Variants in EDEM3 observed in about 807,000 individuals in gnomAD.
EDEM3 encodes the protein ER degradation enhancing alpha-mannosidase like protein 3.
In EDEM3, 60 loss-of-function variants were observed where a neutral mutation model predicts 110.2. The observed-to-expected ratio is 0.54, with a 90% CI of 0.44 to 0.67. The LOEUF is 0.67. Ranked by LOEUF, EDEM3 falls within the 30% of genes least tolerant of loss-of-function variation. The pLI, the probability that EDEM3 is intolerant of heterozygous loss-of-function variation, is 0.00. For missense variants in EDEM3, 996 were observed against 1,121.0 expected, an observed-to-expected ratio of 0.89 and a Z score of 1.59; for synonymous variants, 352 against 382.9, an observed-to-expected ratio of 0.92 and a Z score of 0.94.
intron 4 of EDEM3, among the ~76,000 whole-genome samples, chr1:184,736,077 T>C (rs1268238612): frequency 1.3e-5 from 2 of 152,160 alleles, no homozygotes; most frequent in Non-Finnish European, 2.9e-5. Flanking sequence ...GCTAAAAAGA[T>C]CTAACAATCG....
At chr1:184,712,945 A>G (rs562715567) in intron 13 of EDEM3, among the ~76,000 whole-genome samples, 3 of 152,350 alleles carry the variant, frequency 2.0e-5, no homozygotes, top group South Asian at 4.1e-4. Flanking sequence ...TGAGAATCAT[A>G]TAAGAATCTT....
At chr1:184,704,442 T>C (rs937739090) in intron 18 of EDEM3, among the ~76,000 whole-genome samples, 19 of 150,734 alleles carry the variant, frequency 1.3e-4, no homozygotes, top group Admixed American at 6.6e-5. Context: ...CTTGAGGCCA[T>C]GAGTTTGAGA....
chr1:184,712,521 T>C lies in EDEM3; in HGVS notation c.1448A>G (p.Asp483Gly), dbSNP rs1464279851. 6.2e-7 allele frequency: 1 copy of C among 1,602,358 alleles called. No homozygotes were observed. The change falls in exon 14 of 20, where the codon GAC becomes GGC. Residue 483 changes from aspartate to glycine, a missense_variant. Asp to Gly is a moderately conservative substitution (Grantham distance 94, BLOSUM62 -1). Around this residue, in one of 5 missense-constraint regions of EDEM3, gnomAD observed 138 missense variants for 124.3 expected, o/e 1.11. Transcript: ENST00000318130. ...LFADKEDIIF[D>G]IEDYIFTTEA... ...TGTTGTAAAGATGTAATCTTCTATG[T>C]CAAAAATAATGTCTTCTTTATCAGC...
intron 18 of EDEM3, among the ~76,000 whole-genome samples, 180 bp downstream of exon 18, chr1:184,706,462 CT>C (rs1422340860): frequency 6.6e-6 from 1 of 151,910 alleles, no homozygotes; most frequent in Non-Finnish European, 1.5e-5. Flanking sequence ...CAAATCTAGA[CT>C]TTTAAAAAAG....
chr1:184,696,656 T>G (rs1171531460), intron 19 of EDEM3, among the ~76,000 whole-genome samples: 1 of 151,890 alleles, frequency 6.6e-6, no homozygotes, highest in Admixed American at 6.6e-5. Flanking sequence ...GTGAAAAAGG[T>G]ACAATTTAAT....
In EDEM3 at chr1:184,693,928, G is replaced by A. The variant is rs950386232; in HGVS notation, c.*135C>T. 32 of 849,990 alleles carry A rather than the reference G, an allele frequency of 3.8e-5. No homozygotes were observed. The highest frequency in any genetic ancestry group is 3.2e-5 in the Non-Finnish European group (18 of 559,110). 52.7% of individuals were successfully genotyped at this position (849,990 alleles called of 1,614,324 possible). ...TGCTCCAGATTCCTACGATAACTAC[G>A]CCAGTCAGAACGTGGTTGTTCATCA... On this transcript the variant is annotated 3_prime_UTR_variant, in exon 20 of 20. Coordinates refer to ENST00000318130, the MANE Select transcript of EDEM3 (RefSeq NM_025191.4).
chr1:184,726,265 G>T lies in EDEM3; in HGVS notation c.737C>A (p.Thr246Lys). ...CCGTAAAAAGCAAACCTCAAATATT[G>T]TTGCTCCTGTGAATCGACTTAAAGC... ...FAALSRFTGA[T>K]IFEEYARKAL... is the part of the protein sequence containing the mutation. Residue 246 changes from threonine (T) to lysine (K), a missense_variant, in exon 7 of 20, where the codon ACA (threonine) becomes AAA (lysine). Thr to Lys is a moderately conservative substitution (Grantham distance 78). This residue lies in a region of EDEM3 where 310 missense variants were observed against 394.6 expected (regional missense o/e 0.79). Transcript: ENST00000318130. 6.2e-7 allele frequency: 1 copy of T among 1,613,350 alleles called. No individual in the cohort carries two copies. Among genetic ancestry groups the T allele is most frequent in the Non-Finnish European group, 8.5e-7 (1 of 1,179,548 alleles).
intron 19 of EDEM3, among the ~76,000 whole-genome samples, chr1:184,697,151 C>T (rs1649374361): frequency 6.6e-6 from 1 of 151,588 alleles, no homozygotes; most frequent in Non-Finnish European, 1.5e-5. Context: ...TAAAAAGCTA[C>T]AAAACATAGA....
At chr1:184,746,699 T>C (rs1183370384) in intron 2 of EDEM3, among the ~76,000 whole-genome samples, 1 of 152,188 alleles carries the variant, frequency 6.6e-6, no homozygotes, top group Non-Finnish European at 1.5e-5. Flanking sequence ...TCCAGAGTTC[T>C]TGCTCTTAAT....
chr1:184,722,743 GCAGTTAC>G (rs1650972744), intron 8 of EDEM3, among the ~76,000 whole-genome samples: 1 of 151,422 alleles, frequency 6.6e-6, no homozygotes. Context: ...TTAAATATAG[GCAGTTAC>G]CATTTATTTT....
chr1:184,694,481 G>T lies in EDEM3; in HGVS notation c.2390-9C>A. 6.3e-7 allele frequency: 1 copy of T among 1,576,722 alleles called. No homozygotes were observed. Reference sequence around the variant, plus strand: ...ATTTTCCATTTCAGGATCTGTATGAGAAAGAAACAAACCTCATGCTACTTC... The same window carrying T: ...ATTTTCCATTTCAGGATCTGTATGATAAAGAAACAAACCTCATGCTACTTC... On this transcript the variant is annotated splice_polypyrimidine_tract_variant and intron_variant, in intron 19 of 19. Coordinates refer to ENST00000318130, the MANE Select transcript of EDEM3 (RefSeq NM_025191.4).
chr1:184,694,509 TA>T (rs34236444), intron 19 of EDEM3, 37 bp from the exon 20 acceptor site: 673,722 of 1,505,398 alleles, frequency 0.45, 155,118 homozygotes, highest in East Asian at 0.57. Context: ...GCTACTTCTC[TA>T]AAAAAATGTA....
chr1:184,737,501 T>G (rs1373818265), intron 3 of EDEM3, 110 bp downstream of exon 3: 10 of 881,470 alleles, frequency 1.1e-5, no homozygotes, highest in Non-Finnish European at 1.6e-5. Context: ...CATAAAACAG[T>G]CTTTAAAATT....
chr1:184,737,184 A>G (rs893336074), intron 3 of EDEM3, 120 bp from the exon 4 acceptor site: 65 of 814,108 alleles, frequency 8.0e-5, no homozygotes, highest in Non-Finnish European at 1.3e-4. Context: ...ACTTCCATGT[A>G]TCTATAGTAC....
chr1:184,747,076 T>C (rs1171293972), intron 2 of EDEM3, among the ~76,000 whole-genome samples: 1 of 152,004 alleles, frequency 6.6e-6, no homozygotes, highest in Admixed American at 6.6e-5. Context: ...TTCAGTTCTT[T>C]CAAAAAAATT....
chr1:184,728,814 T>C (rs1488573660), intron 6 of EDEM3, among the ~76,000 whole-genome samples: 3 of 152,182 alleles, frequency 2.0e-5, no homozygotes, highest in Non-Finnish European at 4.4e-5. Flanking sequence ...TTCACCATGT[T>C]GGTGAAGATG....
chr1:184,710,643 C>G, intron 15 of EDEM3, 96 bp from the exon 16 acceptor site: 2 of 1,425,944 alleles, frequency 1.4e-6, no homozygotes, highest in Non-Finnish European at 1.9e-6. Context: ...TGCAAAATTG[C>G]TAGTTTTAGA....
In EDEM3 at chr1:184,723,518, C is replaced by T. The variant is rs572485773; in HGVS notation, c.853+233G>A. On this transcript the variant is annotated intron_variant, in intron 8 of 19. Transcript: ENST00000318130. ...TAAATTATAGCGTTTCATCTACACC[C>T]TATACCTATAATGCTATATCCATTA... Among the ~76,000 whole-genome samples the T allele has an allele frequency of 5.9e-5, 9 of 152,062 alleles. No homozygotes were observed. In the South Asian group the frequency reaches 1.2e-3, roughly 21 times the overall value.
At chr1:184,703,681 G>C (rs1323944623) in intron 18 of EDEM3, among the ~76,000 whole-genome samples, 1 of 152,186 alleles carries the variant, frequency 6.6e-6, no homozygotes, top group Non-Finnish European at 1.5e-5. Context: ...CAGTCTCCCA[G>C]AAGAAACTAT....
Sources: allele counts gnomAD v4.1 joint callset (sites outside exome capture counted in the v4.1 genomes callset), GRCh38; gene constraint gnomAD v4.1.1; regional missense constraint gnomAD v4.1.1; transcripts MANE v1.5; gene names NCBI Gene and HGNC (gene_info 2026-07-23, HGNC 2026-07-21).